Variants in MYH1 observed in about 807,000 individuals in gnomAD.
MYH1 encodes myosin heavy chain 1.
In MYH1, 214 loss-of-function variants were observed where a neutral mutation model predicts 225.6. The ratio of observed to expected loss-of-function variants is 0.95; its 90% CI spans 0.85 to 1.06. MYH1 has a LOEUF of 1.06. MYH1 is among the 50% of genes least tolerant of loss of function. The probability of loss-of-function intolerance (pLI) is 0.00; values close to 1 mark genes in which losing one functional copy is unlikely to be tolerated. For missense variants in MYH1, 2,098 were observed against 2,344.2 expected, an observed-to-expected ratio of 0.89 and a Z score of 2.17; for synonymous variants, 774 against 842.3, an observed-to-expected ratio of 0.92 and a Z score of 1.40.
In MYH1 at chr17:10,514,010, C is replaced by T; in HGVS notation, c.648G>A (p.Gln216=). The T allele has an allele frequency of 6.2e-7, 1 of 1,614,152 alleles. No individual in the cohort carries two copies. The highest frequency in any genetic ancestry group is 1.1e-5 in the South Asian group (1 of 91,086). The part of the protein sequence containing the change: ...KKEEVTSGKM[Q]GTLEDQIISA... Reference sequence around the variant, plus strand: ...GATTCTGACTAACAATCAGACTCACCTGCATTTTGCCAGAAGTAACTTCTT... The same window carrying T: ...GATTCTGACTAACAATCAGACTCACTTGCATTTTGCCAGAAGTAACTTCTT... The change falls in exon 7 of 40, where the codon CAG becomes CAA. Residue 216 remains glutamine (Q), a splice_region_variant and synonymous_variant. Coordinates refer to ENST00000226207, the MANE Select transcript of MYH1 (RefSeq NM_005963.4).
In MYH1 at chr17:10,500,679, T is replaced by A. The variant is rs776451170; in HGVS notation, c.3812A>T (p.Gln1271Leu). The A allele has an allele frequency of 1.2e-6, 2 of 1,614,100 alleles. No individual in the cohort carries two copies. The highest frequency in any genetic ancestry group is 1.7e-6 in the Non-Finnish European group (2 of 1,180,026). ...SEIKTKEEEQ[Q>L]RLINDLTAQR... is the part of the protein sequence containing the mutation. Reference sequence around the variant, plus strand: ...TGCTGTGAGGTCATTGATCAGCCGCTGCTGCTCCTCTTCCTTGGTCTTAAT... The same window carrying A: ...TGCTGTGAGGTCATTGATCAGCCGCAGCTGCTCCTCTTCCTTGGTCTTAAT... The change falls in exon 28 of 40, where the codon CAG becomes CTG. Residue 1271 changes from glutamine to leucine, a missense_variant. Gln to Leu is a moderately radical substitution (Grantham distance 113, BLOSUM62 -2). Coordinates refer to ENST00000226207, the MANE Select transcript of MYH1 (RefSeq NM_005963.4).
rs1015762038 is a variant in MYH1, at chr17:10,497,878, A to G, written c.4221T>C (p.His1407=). The G allele has an allele frequency of 1.9e-6, 3 of 1,611,898 alleles. No individual in the cohort carries two copies. Among genetic ancestry groups the G allele is most frequent in the Non-Finnish European group, 2.5e-6 (3 of 1,179,524 alleles). The change falls in exon 31 of 40, where the codon CAT becomes CAC. Residue 1407 remains histidine (H), a synonymous_variant. Transcript: ENST00000226207. ...LAQRLQDAEE[H]VEAVNAKCAS... ...CACATTTGGCATTCACAGCTTCTACATGTTCCTCAGCATCCTGCAGACGCT... is the reference window on the plus strand; with the variant it reads ...CACATTTGGCATTCACAGCTTCTACGTGTTCCTCAGCATCCTGCAGACGCT...
rs769934748 is a variant in MYH1 at position 10,497,120 on chromosome 17, C to T, written c.4605G>A (p.Lys1535=). 1.2e-6 allele frequency: 2 copies of T among 1,614,106 alleles called. No homozygotes were observed. The highest frequency in any genetic ancestry group is 2.2e-5 in the South Asian group (2 of 91,082). ...GTTCAGACTTTTCTTGCTCAACTTG[C>T]TTCTTTATTTTTTCCAGTTCATGGA... The part of the protein sequence containing the change: ...KRIHELEKIK[K]QVEQEKSELQ... The change falls in exon 33 of 40, where the codon AAG becomes AAA. Residue 1535 remains lysine (K), a synonymous_variant. Transcript: ENST00000226207.
In MYH1 at chr17:10,495,324, A is replaced by C; in HGVS notation, c.5170-7T>G. On this transcript the variant is annotated splice_region_variant and splice_polypyrimidine_tract_variant and intron_variant, in intron 35 of 39. Transcript: ENST00000226207. ...TGTTGATCAGGCTGGTGTTCTGTTT[A>C]AAATGTGAAATTTAGAAATATTAGG... is the stretch of plus-strand genomic sequence containing the variant. 1.2e-6 allele frequency: 2 copies of C among 1,614,050 alleles called. No homozygotes were observed. Among genetic ancestry groups the C allele is most frequent in the East Asian group, 2.2e-5 (1 of 44,882 alleles).
intron 14 of MYH1, among the ~76,000 whole-genome samples, chr17:10,510,330 G>A (rs1272251872): frequency 6.6e-6 from 1 of 152,170 alleles, no homozygotes; most frequent in Non-Finnish European, 1.5e-5. Flanking sequence ...TTACTCTACA[G>A]TAGACACTAT....
intron 33 of MYH1, among the ~76,000 whole-genome samples, chr17:10,496,807 T>A (rs976119803): frequency 1.3e-5 from 2 of 152,238 alleles, no homozygotes; most frequent in African/African-American, 4.8e-5. Context: ...AATGTTATTG[T>A]TGATTTTATA....
At position 10,496,168 on chromosome 17, in the gene MYH1, G is replaced by C; in HGVS notation, c.4966-15C>G. The stretch of plus-strand genomic sequence containing the variant: ...AGCTGGGTATCCTGTGGAACAAACC[G>C]TCATTGAGACACCATGTATTCAGGG... On this transcript the variant is annotated splice_polypyrimidine_tract_variant and intron_variant, in intron 34 of 39. Coordinates refer to ENST00000226207, the MANE Select transcript of MYH1 (RefSeq NM_005963.4). 6.2e-7 allele frequency: 1 copy of C among 1,614,152 alleles called. No homozygotes were observed. The highest frequency in any genetic ancestry group is 8.5e-7 in the Non-Finnish European group (1 of 1,180,030).
chr17:10,512,476 A>G lies in MYH1; in HGVS notation c.1079T>C (p.Met360Thr), dbSNP rs2073180879. The G allele has an allele frequency of 4.3e-6, 7 of 1,614,082 alleles. No individual in the cohort carries two copies. Among genetic ancestry groups the G allele is most frequent in the South Asian group, 1.1e-5 (1 of 91,076 alleles). The change falls in exon 12 of 40, where the codon ATG becomes ACG. Residue 360 changes from methionine to threonine, a missense_variant. Met to Thr is a moderately conservative substitution (Grantham distance 81). Transcript: ENST00000226207. ...CTTGAATTTCATGTTCCCATAATGC[A>G]TCACAGCCCCTGTGAGCTTATAGAT... ...VSIYKLTGAV[M>T]HYGNMKFKQK...
intron 22 of MYH1, 91 bp from the exon 23 acceptor site, chr17:10,503,339 G>C: frequency 6.6e-7 from 1 of 1,526,450 alleles, no homozygotes; most frequent in Non-Finnish European, 8.8e-7. Context: ...CAAGTAAATT[G>C]TTTTAAGCCT....
chr17:10,509,261 G>A (rs965884328), intron 15 of MYH1, among the ~76,000 whole-genome samples: 2 of 152,102 alleles, frequency 1.3e-5, no homozygotes, highest in African/African-American at 4.8e-5. Flanking sequence ...TTAAATGTAA[G>A]ACTTTGTATT....
rs752321110 is a variant in MYH1 at position 10,492,487 on chromosome 17, CA to C, written c.5748del (p.Ile1916MetfsTer9). The C allele has an allele frequency of 2.5e-6, 4 of 1,614,192 alleles. No homozygotes were observed. The highest frequency in any genetic ancestry group is 3.4e-6 in the Non-Finnish European group (4 of 1,180,010). ...CTCAGCTTGTTGACCTGGGACTCAG[CA>C]ATGTCAGCCCGTTCCTCGGCCTCCT... ...ELEEAEERADIAESQVNKLRV... is the reference protein window; with the variant it reads ...ELEEAEERADXAESQVNKLRV... On this transcript the variant is annotated frameshift_variant, in exon 40 of 40. Coordinates refer to ENST00000226207, the MANE Select transcript of MYH1 (RefSeq NM_005963.4). LOFTEE classifies it high-confidence loss of function.
chr17:10,514,785 A>G (rs2073208456), intron 6 of MYH1, 83 bp downstream of exon 6: 2 of 1,255,904 alleles, frequency 1.6e-6, no homozygotes, highest in African/African-American at 3.0e-5. Flanking sequence ...TTTAGTAGAG[A>G]ACATTAACTA....
rs777246663 is a variant in MYH1, at chr17:10,512,576, AG to A, written c.1009-31del. The A allele has an allele frequency of 2.5e-5, 40 of 1,613,744 alleles. No homozygotes were observed. In the South Asian group the frequency reaches 4.3e-4, roughly 17 times the overall value. On this transcript the variant is annotated intron_variant, in intron 11 of 39. Coordinates refer to ENST00000226207, the MANE Select transcript of MYH1 (RefSeq NM_005963.4). ...CATGAGAGATGAGAAGACAAAGATT[AG>A]GGCACAAGAGAATTTATACTGTATC...
chr17:10,516,219 A>T lies in MYH1; in HGVS notation c.328T>A (p.Tyr110Asn). The T allele has an allele frequency of 6.2e-7, 1 of 1,614,242 alleles. No individual in the cohort carries two copies. The highest frequency in any genetic ancestry group is 2.2e-5 in the East Asian group (1 of 44,884). ...PAVLYNLKER[Y>N]AAWMIYTYSG... ...CTCACGTAGATCATCCAGGCTGCGTAGCGCTCTTTGAGGTTGTACAGCACA... is the reference window on the plus strand; with the variant it reads ...CTCACGTAGATCATCCAGGCTGCGTTGCGCTCTTTGAGGTTGTACAGCACA... The change falls in exon 4 of 40, where the codon TAC becomes AAC. Residue 110 changes from tyrosine to asparagine, a missense_variant. Coordinates refer to ENST00000226207, the MANE Select transcript of MYH1 (RefSeq NM_005963.4).
intron 22 of MYH1, 40 bp from the exon 23 acceptor site, chr17:10,503,288 T>G: frequency 6.3e-7 from 1 of 1,593,868 alleles, no homozygotes; most frequent in Non-Finnish European, 8.5e-7. Flanking sequence ...TTATGAAAAT[T>G]CCTAGACATT....
chr17:10,499,216 C>T (rs765274778), intron 28 of MYH1, 124 bp from the exon 29 acceptor site: 1 of 773,108 alleles, frequency 1.3e-6, no homozygotes, highest in Non-Finnish European at 2.2e-6. Context: ...GACAACAAAC[C>T]ACCAACATCC....
Position 10,494,391 on chromosome 17 carries a change from G to T in MYH1, c.5630C>A (p.Ala1877Glu). 6.2e-7 allele frequency: 1 copy of T among 1,614,122 alleles called. No individual in the cohort carries two copies. Among genetic ancestry groups the T allele is most frequent in the Non-Finnish European group, 8.5e-7 (1 of 1,180,034 alleles). Residue 1877 changes from alanine (A) to glutamate (E), a missense_variant, in exon 39 of 40, where the codon GCA becomes GAA. By Grantham distance (107) the Ala-to-Glu change is moderately radical. Transcript: ENST00000226207. ...TTGTCTCTTGTAGGATTTCACCTTT[G>T]CTTGCAGTTTGTCCACCAGGTCCTG... ...RLQDLVDKLQAKVKSYKRQAE... is the reference protein window; with the variant it reads ...RLQDLVDKLQEKVKSYKRQAE...
intron 5 of MYH1, among the ~76,000 whole-genome samples, chr17:10,515,660 T>C (rs762975424): frequency 2.0e-5 from 3 of 152,170 alleles, no homozygotes; most frequent in Non-Finnish European, 2.9e-5. Flanking sequence ...AAATAAATTG[T>C]GTGTTTCCAA....
Position 10,497,903 on chromosome 17 carries a change from T to C in MYH1, c.4196A>G (p.Gln1399Arg). The part of the protein sequence containing the change: ...ELEEAKKKLA[Q>R]RLQDAEEHVE... ...ATGTTCCTCAGCATCCTGCAGACGC[T>C]GAGCCAGCTTCTTCCTATGAAATAT... The change falls in exon 31 of 40, where the codon CAG becomes CGG. Residue 1399 changes from glutamine to arginine, a missense_variant. By Grantham distance (43) the Gln-to-Arg change is conservative. Coordinates refer to ENST00000226207, the MANE Select transcript of MYH1 (RefSeq NM_005963.4). The C allele has an allele frequency of 6.3e-7, 1 of 1,598,386 alleles. No individual in the cohort carries two copies. Among genetic ancestry groups the C allele is most frequent in the Non-Finnish European group, 8.5e-7 (1 of 1,176,084 alleles).
Sources: allele counts gnomAD v4.1 joint callset (sites outside exome capture counted in the v4.1 genomes callset), GRCh38; gene constraint gnomAD v4.1.1; transcripts MANE v1.5; gene names NCBI Gene and HGNC (gene_info 2026-07-23, HGNC 2026-07-21).